Variants in SLC6A9 observed in about 807,000 individuals in gnomAD.
The protein encoded by SLC6A9 is sodium- and chloride-dependent glycine transporter 1.
Under a neutral mutation model 70.9 loss-of-function variants are expected in SLC6A9, and 31 were observed. The ratio of observed to expected loss-of-function variants is 0.44; its 90% CI spans 0.33 to 0.59. SLC6A9 has a LOEUF of 0.59. Ranked by LOEUF, SLC6A9 falls within the 20% of genes least tolerant of loss-of-function variation. SLC6A9 has a pLI of 0.04. For synonymous variants in SLC6A9, 310 were observed against 341.3 expected, an observed-to-expected ratio of 0.91 and a Z score of 1.01; for missense variants, 631 against 845.2, an observed-to-expected ratio of 0.75 and a Z score of 3.14.
chr1:44,010,939 C>A lies in SLC6A9; in HGVS notation c.31-57G>T, dbSNP rs1397324018. The A allele has an allele frequency of 2.5e-6, 4 of 1,571,634 alleles. No homozygotes were observed. The African/African-American group carries it at 5.4e-5, about 21-fold the overall frequency. On this transcript the variant is annotated intron_variant, in intron 2 of 13. Transcript: ENST00000372310. The stretch of plus-strand genomic sequence containing the variant: ...AAGGCATTTGTGCTCCATGCCTGAC[C>A]CTCTGGGCCTCCCCCAGCAGGGAAA...
At chr1:44,022,088 G>C (rs1005678552) in intron 2 of SLC6A9, among the ~76,000 whole-genome samples, 3 of 152,244 alleles carry the variant, frequency 2.0e-5, no homozygotes, top group Non-Finnish European at 4.4e-5. Flanking sequence ...GGCACATCCT[G>C]GTGCTGGGAA....
intron 4 of SLC6A9, 74 bp from the exon 5 acceptor site, chr1:44,008,697 T>A (rs1243947290): frequency 6.8e-6 from 8 of 1,179,236 alleles, no homozygotes; most frequent in Non-Finnish European, 9.4e-6. Context: ...ATTTCTTTTT[T>A]TTCTTTTCTT....
At chr1:44,016,474 C>T (rs2086746480) in intron 2 of SLC6A9, 1 of 152,898 alleles carries the variant, frequency 6.5e-6, no homozygotes, top group South Asian at 2.1e-4. Flanking sequence ...CATCCGCTGA[C>T]ATCTCCACCC....
rs531274753 is a variant in SLC6A9 at position 44,009,175 on chromosome 1, C to T, written c.320-552G>A. On this transcript the variant is annotated intron_variant, in intron 4 of 13. Transcript: ENST00000372310. ...CCGAGTAGCTGGGATTAGAGGCATG[C>T]GCCACCATATCTGGATAATTTTGTA... is the stretch of plus-strand genomic sequence containing the variant. Among the ~76,000 whole-genome samples the T allele has an allele frequency of 3.3e-5, 5 of 151,230 alleles. 1 individual carries two copies. Among genetic ancestry groups the T allele is most frequent in the African/African-American group, 9.7e-5 (4 of 41,204 alleles).
chr1:44,003,036 C>T, intron 5 of SLC6A9, 51 bp from the exon 6 acceptor site: 1 of 1,609,498 alleles, frequency 6.2e-7, no homozygotes, highest in South Asian at 1.1e-5. Context: ...TGCCCAGCAA[C>T]AAATTCCCAA....
At chr1:44,011,310 C>A (rs1028979001) in intron 2 of SLC6A9, among the ~76,000 whole-genome samples, 2 of 152,166 alleles carry the variant, frequency 1.3e-5, no homozygotes, top group Non-Finnish European at 2.9e-5. Context: ...ACAGCCCCCC[C>A]ACCCGTCGCC....
rs2087119514 is a variant in SLC6A9, at chr1:44,031,392, C to T, written c.-172G>A. 6.6e-6 allele frequency: 1 copy of T among 152,308 alleles called. No individual in the cohort carries two copies. Among genetic ancestry groups the T allele is most frequent in the African/African-American group, 2.4e-5 (1 of 41,420 alleles). The allele number at this position is 152,308 out of a possible 1,614,324, so 9.4% of individuals were successfully genotyped here. On this transcript the variant is annotated 5_prime_UTR_variant, in exon 1 of 14. Coordinates refer to ENST00000372310, the MANE Select transcript of SLC6A9 (RefSeq NM_001024845.3). Reference sequence around the variant, plus strand: ...CTTAAAGGGAAAGTTGCATCAGCCTCCCGAGGCTCTGTGCCGCGCCGAGTT... The same window carrying T: ...CTTAAAGGGAAAGTTGCATCAGCCTTCCGAGGCTCTGTGCCGCGCCGAGTT...
At chr1:44,029,824 C>A (rs2087060027) in intron 1 of SLC6A9, among the ~76,000 whole-genome samples, 1 of 152,190 alleles carries the variant, frequency 6.6e-6, no homozygotes, top group African/African-American at 2.4e-5. Context: ...TGCTCAGTGT[C>A]GCCCATTAGT....
At chr1:44,015,836 C>T (rs939605107) in intron 2 of SLC6A9, 7 of 984,890 alleles carry the variant, frequency 7.1e-6, no homozygotes, top group South Asian at 9.4e-5. Context: ...AGTCTGGGGC[C>T]GGGGTGGAGG....
rs1363023565 is a variant in SLC6A9 at position 43,996,903 on chromosome 1, G to A, written c.*642C>T. The stretch of plus-strand genomic sequence containing the variant: ...TGGGTCACGGGCCCCTGCTGGCTGG[G>A]CCTGACAGCCAGGCCTGGAATGAGG... On this transcript the variant is annotated 3_prime_UTR_variant, in exon 14 of 14. Coordinates refer to ENST00000372310, the MANE Select transcript of SLC6A9 (RefSeq NM_001024845.3). The A allele has an allele frequency of 1.3e-5, 2 of 152,898 alleles. No homozygotes were observed. Among genetic ancestry groups the A allele is most frequent in the African/African-American group, 4.8e-5 (2 of 41,416 alleles). The allele number at this position is 152,898 out of a possible 1,614,324, so 9.5% of individuals were successfully genotyped here.
rs1267772125 is a variant in SLC6A9, at chr1:43,998,095, C to T, written c.1537-70G>A. 6 of 1,403,930 alleles carry T rather than the reference C, an allele frequency of 4.3e-6. No homozygotes were observed. In the Admixed American group the frequency reaches 6.5e-5, roughly 15 times the overall value. 87.0% of individuals were successfully genotyped at this position (1,403,930 alleles called of 1,614,324 possible). ...CCCAGACCCCAGGCCATCCCTCTAC[C>T]AGCACCCTTTCCTCTCTGGTTTCCC... On this transcript the variant is annotated intron_variant, in intron 12 of 13. Coordinates refer to ENST00000372310, the MANE Select transcript of SLC6A9 (RefSeq NM_001024845.3).
intron 2 of SLC6A9, chr1:44,017,390 C>T: frequency 8.3e-7 from 1 of 1,208,704 alleles, no homozygotes; most frequent in Admixed American, 4.2e-5. Context: ...CACACACACA[C>T]ACACACACAC....
intron 1 of SLC6A9, among the ~76,000 whole-genome samples, chr1:44,030,849 T>G (rs937863717): frequency 2.6e-5 from 4 of 152,050 alleles, no homozygotes; most frequent in Non-Finnish European, 4.4e-5. Flanking sequence ...GCACGCTGGG[T>G]GCAGGCACGG....
At chr1:44,010,456 C>CT (rs1340034589) in intron 3 of SLC6A9, 1 of 53,408 alleles carries the variant, frequency 1.9e-5, no homozygotes, top group Admixed American at 2.7e-4. Flanking sequence ...GCCTTGTGGG[C>CT]GGGGGGGGGG....
At chr1:44,003,086 A>G in intron 5 of SLC6A9, 101 bp from the exon 6 acceptor site, 1 of 1,374,562 alleles carries the variant, frequency 7.3e-7, no homozygotes, top group Non-Finnish European at 1.0e-6. Context: ...CTTTGTCATG[A>G]GGTCCCAGCA....
chr1:44,010,617 G>T, intron 3 of SLC6A9, 109 bp downstream of exon 3: 6 of 1,152,456 alleles, frequency 5.2e-6, no homozygotes, highest in Non-Finnish European at 7.5e-6. Flanking sequence ...GCCAGGGCCA[G>T]AGGCCAGCCT....
At chr1:44,001,086 C>A (rs201281008) in intron 10 of SLC6A9, 31 bp from the exon 11 acceptor site, 107 of 1,603,368 alleles carry the variant, frequency 6.7e-5, no homozygotes, top group Non-Finnish European at 9.0e-5. Flanking sequence ...GTGGGAGGCG[C>A]CTGCAGCCCG....
At position 44,002,487 on chromosome 1, in the gene SLC6A9, C is replaced by A. The variant is rs982633948; in HGVS notation, c.858+25G>T. 1 of 1,614,092 alleles carries A rather than the reference C, an allele frequency of 6.2e-7. No individual in the cohort carries two copies. The highest frequency in any genetic ancestry group is 8.5e-7 in the Non-Finnish European group (1 of 1,179,966). ...CACCTCCCTGGCCCCTCCCCAGCCCCCTTCCGGTTTCCCTCACTTCCCACC... is the reference window on the plus strand; with the variant it reads ...CACCTCCCTGGCCCCTCCCCAGCCCACTTCCGGTTTCCCTCACTTCCCACC... On this transcript the variant is annotated intron_variant, in intron 7 of 13. Transcript: ENST00000372310. This position sits in a 1 kb window ranked among gnomAD's most constrained non-coding sequence, Gnocchi z 5.5.
At position 44,002,830 on chromosome 1, in the gene SLC6A9, C is replaced by A; in HGVS notation, c.723+23G>T. ...CAGGGTCTTTCTGGGTGGGCACAGA[C>A]CCTGCTGGGGAGGGGTACTTGCTTT... On this transcript the variant is annotated intron_variant, in intron 6 of 13. Coordinates refer to ENST00000372310, the MANE Select transcript of SLC6A9 (RefSeq NM_001024845.3). The surrounding 1 kb of genome is among the most constrained non-coding windows in gnomAD (Gnocchi z 5.5). 1.2e-6 allele frequency: 2 copies of A among 1,613,810 alleles called. No homozygotes were observed. Among genetic ancestry groups the A allele is most frequent in the Non-Finnish European group, 1.7e-6 (2 of 1,179,844 alleles).
Sources: gnomAD v4.1 joint callset for allele counts (sites outside exome capture counted in the v4.1 genomes callset) on GRCh38, gnomAD v4.1.1 for gene constraint, Gnocchi (gnomAD v3.1) non-coding constraint, MANE v1.5 for transcripts, NCBI Gene and HGNC (gene_info 2026-07-23, HGNC 2026-07-21) for gene names.